Variants in RGS22 observed in about 807,000 individuals in gnomAD.
The protein encoded by RGS22 is regulator of G protein signaling 22.
Under a neutral mutation model 172.9 loss-of-function variants are expected in RGS22, and 148 were observed. That is an observed-to-expected ratio of 0.86 (90% confidence interval 0.75 to 0.98). The LOEUF (loss-of-function observed/expected upper bound fraction) is 0.98. RGS22 is among the 50% of genes least tolerant of loss of function. The pLI is 0.00. For synonymous variants in RGS22, 458 were observed against 480.2 expected, an observed-to-expected ratio of 0.95 and a Z score of 0.60; for missense variants, 1,347 against 1,440.8, an observed-to-expected ratio of 0.93 and a Z score of 1.05.
chr8:99,981,863 A>G, intron 22 of RGS22, 74 bp downstream of exon 22: 1 of 1,413,610 alleles, frequency 7.1e-7, no homozygotes, highest in Non-Finnish European at 9.5e-7. Flanking sequence ...CGCCTGGCCC[A>G]AAAGGATATC....
At chr8:100,072,639 CT>C (rs1297179381) in intron 4 of RGS22, among the ~76,000 whole-genome samples, 2 of 152,042 alleles carry the variant, frequency 1.3e-5, no homozygotes, top group African/African-American at 4.8e-5. Context: ...ACCAAAGTCA[CT>C]GCAGGCCCCT....
At chr8:100,066,861 C>T (rs531109401) in intron 6 of RGS22, among the ~76,000 whole-genome samples, 2 of 152,282 alleles carry the variant, frequency 1.3e-5, no homozygotes, top group East Asian at 3.9e-4. Flanking sequence ...CAGACTGATT[C>T]CTGACTCCAT....
At chr8:100,061,962 C>A (rs1330283840) in intron 9 of RGS22, among the ~76,000 whole-genome samples, 1 of 152,174 alleles carries the variant, frequency 6.6e-6, no homozygotes, top group African/African-American at 2.4e-5. Context: ...GAATACTATG[C>A]AGCCATAAAA....
chr8:100,063,363 T>C (rs1185678360), intron 8 of RGS22, 53 bp downstream of exon 8: 2 of 1,337,560 alleles, frequency 1.5e-6, no homozygotes, highest in Non-Finnish European at 2.0e-6. Flanking sequence ...TAACCCAAAT[T>C]AATATTCATA....
intron 12 of RGS22, among the ~76,000 whole-genome samples, chr8:100,040,529 A>G (rs571461298): frequency 7.0e-4 from 106 of 152,190 alleles, no homozygotes; most frequent in African/African-American, 2.4e-3. Context: ...CTCATTAACT[A>G]TCCTTAGGGG....
At chr8:100,040,238 G>C in intron 12 of RGS22, 151 bp from the exon 13 acceptor site, 1 of 646,024 alleles carries the variant, frequency 1.5e-6, no homozygotes, top group East Asian at 3.4e-5. Context: ...AATGCAGTAT[G>C]TTTGCATTTG....
Position 100,050,591 on chromosome 8 carries a change from A to G in RGS22, c.1689+2211T>C, listed in dbSNP as rs143374113. ...GTTGTATGTGACTATATGGCCAATAACAGTTAACAGGTGACACCTTTAAGG... is the reference window on the plus strand; with the variant it reads ...GTTGTATGTGACTATATGGCCAATAGCAGTTAACAGGTGACACCTTTAAGG... On this transcript the variant is annotated intron_variant, in intron 10 of 27. Coordinates refer to ENST00000360863, the MANE Select transcript of RGS22 (RefSeq NM_015668.5). Among the ~76,000 whole-genome samples the G allele has an allele frequency of 6.6e-3, 1,005 of 152,338 alleles. 4 individuals are homozygous for G. Among genetic ancestry groups the G allele is most frequent in the Middle Eastern group, 0.01 (3 of 294 alleles).
At chr8:99,974,975 A>G (rs145756167) in intron 23 of RGS22, among the ~76,000 whole-genome samples, 45 of 152,052 alleles carry the variant, frequency 3.0e-4, no homozygotes, top group African/African-American at 1.1e-3. Flanking sequence ...GTGAAACCCC[A>G]CCTCTACAAA....
chr8:100,062,062 T>C (rs757185772), intron 9 of RGS22, among the ~76,000 whole-genome samples: 13 of 152,034 alleles, frequency 8.6e-5, no homozygotes, highest in Non-Finnish European at 1.5e-4. Flanking sequence ...TAACCAAATA[T>C]ATCATGTTCT....
chr8:100,063,107 T>A (rs1270312076), intron 8 of RGS22, among the ~76,000 whole-genome samples: 1 of 152,174 alleles, frequency 6.6e-6, no homozygotes, highest in Non-Finnish European at 1.5e-5. Context: ...CTATAAAAAT[T>A]ATACATCATT....
In RGS22 at chr8:100,010,358, C is replaced by T. The variant is rs577092183; in HGVS notation, c.2167-1789G>A. ...CAAATTAGCTGGGCACGGTGGTGGG[C>T]GCCTGTAGTCCCAGCTACTCAGGAG... On this transcript the variant is annotated intron_variant, in intron 14 of 27. Transcript: ENST00000360863. Among the ~76,000 whole-genome samples, 157 of 152,140 alleles carry T rather than the reference C, an allele frequency of 1.0e-3. No individual in the cohort carries two copies. The South Asian group carries it at 0.025, about 24-fold the overall frequency.
intron 4 of RGS22, among the ~76,000 whole-genome samples, chr8:100,074,619 T>A (rs1392874028): frequency 1.3e-5 from 2 of 152,228 alleles, no homozygotes; most frequent in African/African-American, 4.8e-5. Flanking sequence ...TGTTGCTGAG[T>A]AATATTCCAC....
intron 3 of RGS22, chr8:100,092,057 C>T (rs1386541978): frequency 3.4e-5 from 3 of 88,286 alleles, no homozygotes; most frequent in Admixed American, 1.2e-4. Context: ...TGCATGCATG[C>T]ATAGATACAT....
At position 100,063,416 on chromosome 8, in the gene RGS22, C is replaced by T. The variant is rs544848735; in HGVS notation, c.1352G>A (p.Arg451Lys). Residue 451 changes from arginine (R) to lysine (K), a missense_variant and splice_region_variant, in exon 8 of 28, where the codon AGA becomes AAA. By Grantham distance (26) the Arg-to-Lys change is conservative (BLOSUM62 2). Transcript: ENST00000360863. ...KVLKDPGRHQRHLEKMKKCYL... is the reference protein window; with the variant it reads ...KVLKDPGRHQKHLEKMKKCYL... ...TTGAAAAATAAAAAAATAGAATTACCTTTGATGTCTTCCAGGATCCTTAAG... is the reference window on the plus strand; with the variant it reads ...TTGAAAAATAAAAAAATAGAATTACTTTTGATGTCTTCCAGGATCCTTAAG... The T allele has an allele frequency of 1.4e-5, 21 of 1,528,064 alleles. No individual in the cohort carries two copies. Among genetic ancestry groups the T allele is most frequent in the East Asian group, 1.1e-4 (5 of 43,612 alleles). 94.7% of individuals were successfully genotyped at this position (1,528,064 alleles called of 1,614,324 possible).
intron 14 of RGS22, among the ~76,000 whole-genome samples, chr8:100,019,694 GTA>G (rs1817390599): frequency 6.6e-6 from 1 of 152,060 alleles, no homozygotes; most frequent in Non-Finnish European, 1.5e-5. Flanking sequence ...TCAGCATTTT[GTA>G]TCACTAATAA....
At chr8:100,096,786 A>C (rs1813011983) in intron 2 of RGS22, among the ~76,000 whole-genome samples, 1 of 151,748 alleles carries the variant, frequency 6.6e-6, no homozygotes, top group Non-Finnish European at 1.5e-5. Context: ...TGGGATTACA[A>C]GCATGAGCCA....
chr8:100,105,509 T>C, intron 1 of RGS22, 107 bp from the exon 2 acceptor site: 2 of 876,466 alleles, frequency 2.3e-6, no homozygotes, highest in Non-Finnish European at 3.7e-6. Context: ...CAGGCAAACG[T>C]AGCACATTTC....
intron 20 of RGS22, among the ~76,000 whole-genome samples, chr8:99,991,431 T>C (rs1194604201): frequency 6.6e-6 from 1 of 152,206 alleles, no homozygotes; most frequent in Non-Finnish European, 1.5e-5. Flanking sequence ...AATGACCTGA[T>C]GGAGCTGAAA....
At position 100,052,795 on chromosome 8, in the gene RGS22, AC is replaced by A. The variant is rs1821814809; in HGVS notation, c.1689+6del. The A allele has an allele frequency of 6.2e-7, 1 of 1,611,384 alleles. No individual in the cohort carries two copies. The highest frequency in any genetic ancestry group is 8.5e-7 in the Non-Finnish European group (1 of 1,177,664). On this transcript the variant is annotated splice_donor_region_variant and intron_variant, in intron 10 of 27. Transcript: ENST00000360863. ...AGTAGAGATCACAGCATGAATGTACACCCTACCTGGATCTCAGGTATCTGTG... is the reference window on the plus strand; with the variant it reads ...AGTAGAGATCACAGCATGAATGTACACCTACCTGGATCTCAGGTATCTGTG...
Sources: gnomAD v4.1 joint callset for allele counts (sites outside exome capture counted in the v4.1 genomes callset) on GRCh38, gnomAD v4.1.1 for gene constraint, MANE v1.5 for transcripts, NCBI Gene and HGNC (gene_info 2026-07-23, HGNC 2026-07-21) for gene names.